UNC79: variants seen among roughly 807,000 people sequenced by gnomAD.
The protein encoded by UNC79 is unc-79 subunit of NALCN channel complex.
In UNC79, 37 loss-of-function variants were observed where a neutral mutation model predicts 283.1. The observed-to-expected ratio is 0.13, with a 90% confidence interval of 0.10 to 0.17. The LOEUF (loss-of-function observed/expected upper bound fraction) is 0.17. Ranked by LOEUF, UNC79 falls within the 10% of genes least tolerant of loss-of-function variation. The pLI is 1.00. For synonymous variants in UNC79, 1,107 were observed against 1,200.2 expected (o/e 0.92, Z 1.61); for missense variants, 2,272 against 3,211.1 (o/e 0.71, Z 7.07).
chr14:93,614,834 T>G (rs1185723618), intron 27 of UNC79, among the ~76,000 whole-genome samples: 1 of 152,166 alleles, frequency 6.6e-6, no homozygotes, highest in East Asian at 1.9e-4. Context: ...GGACTCATAT[T>G]GCTCCCAATG....
chr14:93,675,309 G>A (rs966173865), intron 41 of UNC79, among the ~76,000 whole-genome samples: 1 of 152,216 alleles, frequency 6.6e-6, no homozygotes, highest in Non-Finnish European at 1.5e-5. Context: ...GTGGCTAACT[G>A]AACCTAGGAG....
chr14:93,500,141 C>A (rs1358209755), intron 7 of UNC79, among the ~76,000 whole-genome samples: 5 of 152,172 alleles, frequency 3.3e-5, no homozygotes, highest in African/African-American at 1.2e-4. Flanking sequence ...AAAAACCCAG[C>A]AAACTGACAG....
chr14:93,522,393 A>C (rs74074630), intron 7 of UNC79, among the ~76,000 whole-genome samples: 2,130 of 152,110 alleles, frequency 0.014, 54 homozygotes, highest in African/African-American at 0.049. Flanking sequence ...CAGTGATAAG[A>C]AGGATCCTAA....
chr14:93,526,517 T>G (rs2060556859), intron 8 of UNC79, among the ~76,000 whole-genome samples: 1 of 152,228 alleles, frequency 6.6e-6, no homozygotes, highest in Admixed American at 6.5e-5. Context: ...GATGGAAGGT[T>G]AATGTGTTAA....
chr14:93,663,751 A>G (rs1300737989), intron 40 of UNC79, among the ~76,000 whole-genome samples: 1 of 151,660 alleles, frequency 6.6e-6, no homozygotes, highest in African/African-American at 2.4e-5. Flanking sequence ...TTCTTGAAAG[A>G]TAACTTCTTC....
chr14:93,539,223 T>A (rs908044302), intron 12 of UNC79, among the ~76,000 whole-genome samples: 18 of 147,050 alleles, frequency 1.2e-4, no homozygotes, highest in African/African-American at 3.2e-4. Flanking sequence ...TTTTTTTTTT[T>A]AATTAAATAA....
At chr14:93,518,133 G>T (rs2060158868) in intron 7 of UNC79, among the ~76,000 whole-genome samples, 1 of 151,880 alleles carries the variant, frequency 6.6e-6, no homozygotes, top group Non-Finnish European at 1.5e-5. Context: ...GTTGGAAAAT[G>T]TTTTTTTCTC....
intron 1 of UNC79, among the ~76,000 whole-genome samples, chr14:93,346,336 T>G (rs1397060224): frequency 1.3e-5 from 2 of 152,158 alleles, no homozygotes; most frequent in African/African-American, 2.4e-5. Flanking sequence ...AATTTAAAAA[T>G]CACAGTATAT....
At position 93,659,797 on chromosome 14, in the gene UNC79, A is replaced by G. The variant is rs568013725; in HGVS notation, c.6525+536A>G. 1.1e-4 allele frequency among the ~76,000 whole-genome samples: 17 copies of G among 152,346 alleles called. No homozygotes were observed. The South Asian group carries it at 3.3e-3, about 30-fold the overall frequency. Reference sequence around the variant, plus strand: ...ACATTATGCTTAATGCTTCAGATATATAATCTTATTTAATTTCATACTTCC... The same window carrying G: ...ACATTATGCTTAATGCTTCAGATATGTAATCTTATTTAATTTCATACTTCC... On this transcript the variant is annotated intron_variant, in intron 39 of 48. Coordinates refer to ENST00000555664, the Ensembl canonical transcript of UNC79.
At chr14:93,536,372 G>T (rs1389940187) in intron 11 of UNC79, among the ~76,000 whole-genome samples, 1 of 152,182 alleles carries the variant, frequency 6.6e-6, no homozygotes, top group East Asian at 1.9e-4. Context: ...CTTCCTGGGA[G>T]CTGGTCTCTT....
chr14:93,558,822 A>T (rs1387888089), intron 14 of UNC79, among the ~76,000 whole-genome samples: 1 of 151,812 alleles, frequency 6.6e-6, no homozygotes, highest in Non-Finnish European at 1.5e-5. Flanking sequence ...GCTGCGTTAT[A>T]ATAGAAAATC....
intron 7 of UNC79, among the ~76,000 whole-genome samples, chr14:93,497,859 G>A (rs1469868451): frequency 6.6e-6 from 1 of 151,926 alleles, no homozygotes; most frequent in Non-Finnish European, 1.5e-5. Context: ...GGTGGTGCAC[G>A]ACTGTAGTCC....
At chr14:93,357,375 G>T (rs1476087786) in intron 1 of UNC79, among the ~76,000 whole-genome samples, 4 of 152,062 alleles carry the variant, frequency 2.6e-5, no homozygotes, top group African/African-American at 9.7e-5. Flanking sequence ...TGTTGCCAAA[G>T]GAGATTAACA....
intron 47 of UNC79, among the ~76,000 whole-genome samples, chr14:93,695,243 C>T (rs1443073858): frequency 6.6e-6 from 1 of 152,204 alleles, no homozygotes; most frequent in Non-Finnish European, 1.5e-5. Flanking sequence ...ACCACCATCA[C>T]CACCCACTAG....
chr14:93,572,121 A>G lies in UNC79; in HGVS notation c.1946+37A>G, dbSNP rs566801745. On this transcript the variant is annotated intron_variant, in intron 15 of 48. Transcript: ENST00000555664. ...GTTTAATGAAGTCACTGTAATTATA[A>G]TCATATCTAACGTTTGGTGAGCATG... is the stretch of plus-strand genomic sequence containing the variant. The G allele has an allele frequency of 4.4e-6, 7 of 1,601,236 alleles. No homozygotes were observed. In the Middle Eastern group the frequency reaches 6.2e-4, roughly 142 times the overall value.
intron 20 of UNC79, 59 bp downstream of exon 20, chr14:93,582,403 C>A: frequency 6.3e-7 from 1 of 1,590,338 alleles, no homozygotes; most frequent in Non-Finnish European, 8.6e-7. Context: ...ATGCTCAAAT[C>A]ACCGGGTTCT....
In UNC79 at chr14:93,339,535, G is replaced by A. The variant is rs116514272; in HGVS notation, c.-351+6012G>A. ...AGGCTGGTTTCAAACTCCTCACCTCGTGATCGACCCGCCTCATCCTCCCAA... is the reference window on the plus strand; with the variant it reads ...AGGCTGGTTTCAAACTCCTCACCTCATGATCGACCCGCCTCATCCTCCCAA... On this transcript the variant is annotated intron_variant, in intron 1 of 49. Transcript: ENST00000256339. Among the ~76,000 whole-genome samples, 1,445 of 152,172 alleles carry A rather than the reference G, an allele frequency of 9.5e-3. 29 individuals carry two copies. Among genetic ancestry groups the A allele is most frequent in the African/African-American group, 0.033 (1,385 of 41,526 alleles).
chr14:93,629,089 C>T (rs2067809269), intron 30 of UNC79, among the ~76,000 whole-genome samples: 1 of 152,138 alleles, frequency 6.6e-6, no homozygotes, highest in African/African-American at 2.4e-5. Context: ...ATCCCAGCTA[C>T]TCAGAAGACT....
chr14:93,585,604 G>A (rs2064164586), intron 20 of UNC79, among the ~76,000 whole-genome samples: 2 of 152,138 alleles, frequency 1.3e-5, no homozygotes, highest in Non-Finnish European at 2.9e-5. Context: ...TGATCCTAGG[G>A]ATTGCCAAAA....
Sources: gnomAD v4.1 joint callset for allele counts (sites outside exome capture counted in the v4.1 genomes callset) on GRCh38, gnomAD v4.1.1 for gene constraint, MANE v1.5 for transcripts, NCBI Gene and HGNC (gene_info 2026-07-23, HGNC 2026-07-21) for gene names.